XXYLT1: variants seen among roughly 807,000 people sequenced by gnomAD.
XXYLT1 encodes UDP-xylose:alpha-xyloside alpha-1,3-xylosyltransferase.
A neutral mutation model predicts 28.9 loss-of-function variants in XXYLT1; 20 were observed. The ratio of observed to expected loss-of-function variants is 0.69; its 90% CI spans 0.49 to 1.00. The LOEUF (loss-of-function observed/expected upper bound fraction) is 1.00. Ranked by LOEUF, XXYLT1 falls within the 50% of genes least tolerant of loss-of-function variation. The pLI, the probability that XXYLT1 is intolerant of heterozygous loss-of-function variation, is 0.00. For missense variants in XXYLT1, 542 were observed against 560.1 expected (o/e 0.97, Z 0.33); for synonymous variants, 257 against 253.8 (o/e 1.01, Z -0.12).
intron 3 of XXYLT1, among the ~76,000 whole-genome samples, chr3:195,130,796 A>G (rs1718866485): frequency 6.6e-6 from 1 of 152,198 alleles, no homozygotes; most frequent in Admixed American, 6.5e-5. Context: ...CGTGCATACA[A>G]TTTCAGGGTG....
rs762060347 is a variant in XXYLT1 at position 195,173,775 on chromosome 3, C to T, written c.653-17194G>A. Among the ~76,000 whole-genome samples, 1 of 152,186 alleles carries T rather than the reference C, an allele frequency of 6.6e-6. No homozygotes were observed. Among genetic ancestry groups the T allele is most frequent in the Non-Finnish European group, 1.5e-5 (1 of 68,014 alleles). On this transcript the variant is annotated intron_variant, in intron 2 of 3. Coordinates refer to ENST00000310380, the MANE Select transcript of XXYLT1 (RefSeq NM_152531.5). The surrounding 1 kb of genome is among the most constrained non-coding windows in gnomAD (Gnocchi z 4.3). The stretch of plus-strand genomic sequence containing the variant: ...CTTTGCATCTCAGGCCATCCCGCAC[C>T]GGCTCGCTGTCCAGGAGAGCACCCA...
chr3:195,071,623 C>CA (rs887967888), intron 3 of XXYLT1, among the ~76,000 whole-genome samples: 1 of 152,086 alleles, frequency 6.6e-6, no homozygotes, highest in African/African-American at 2.4e-5. Context: ...ATAAGCTTCT[C>CA]AAGCAAACTG....
At position 195,255,112 on chromosome 3, in the gene XXYLT1, C is replaced by G. The variant is rs547226620; in HGVS notation, c.504+15443G>C. On this transcript the variant is annotated intron_variant, in intron 1 of 3. Transcript: ENST00000310380. The surrounding 1 kb of genome is among the most constrained non-coding windows in gnomAD (Gnocchi z 4.5). ...ACAGAGCAGGGGATAACAGCAGCAT[C>G]AGAAAGACCCATAAGGCCATAGGTT... Among the ~76,000 whole-genome samples the G allele has an allele frequency of 1.3e-5, 2 of 152,344 alleles. No individual in the cohort carries two copies. The highest frequency in any genetic ancestry group is 3.9e-4 in the East Asian group (2 of 5,192).
At chr3:195,080,901 G>A (rs1023711343) in intron 3 of XXYLT1, among the ~76,000 whole-genome samples, 6 of 152,186 alleles carry the variant, frequency 3.9e-5, no homozygotes, top group African/African-American at 7.2e-5. Flanking sequence ...TATGACCCCC[G>A]GCTGCAAACT....
intron 3 of XXYLT1, among the ~76,000 whole-genome samples, chr3:195,102,904 G>C (rs534349847): frequency 6.6e-5 from 10 of 152,250 alleles, no homozygotes; most frequent in African/African-American, 2.4e-4. Context: ...TTCCATCATG[G>C]CTGTACCAAC....
At chr3:195,163,315 CTT>C (rs1369122638) in intron 2 of XXYLT1, among the ~76,000 whole-genome samples, 2 of 152,218 alleles carry the variant, frequency 1.3e-5, no homozygotes, top group East Asian at 1.9e-4. Context: ...CTCTCTCCCT[CTT>C]GAGTGGCATT....
At chr3:195,130,636 G>C (rs998917158) in intron 3 of XXYLT1, among the ~76,000 whole-genome samples, 3 of 152,182 alleles carry the variant, frequency 2.0e-5, no homozygotes, top group African/African-American at 7.2e-5. Context: ...CAGAGTTGGG[G>C]AAGGACATGC....
At chr3:195,197,216 C>T (rs1363160416) in intron 2 of XXYLT1, among the ~76,000 whole-genome samples, 3 of 152,224 alleles carry the variant, frequency 2.0e-5, no homozygotes, top group Non-Finnish European at 4.4e-5. Flanking sequence ...GCCAGTGGAT[C>T]ACCTGAGATC....
intron 1 of XXYLT1, chr3:195,270,186 C>T (rs1200006458): frequency 2.0e-6 from 1 of 507,342 alleles, no homozygotes; most frequent in African/African-American, 1.9e-5. Context: ...GTGACCAGTC[C>T]CATCCTCAGA....
In XXYLT1 at chr3:195,097,841, G is replaced by A. The variant is rs555514642; in HGVS notation, c.786-27730C>T. On this transcript the variant is annotated intron_variant, in intron 3 of 3. Coordinates refer to ENST00000310380, the MANE Select transcript of XXYLT1 (RefSeq NM_152531.5). ...CACCCCCCCACCACGCACACACAAA[G>A]AAGTCAGGCTGGGCAGGAAAGACGC... is the stretch of plus-strand genomic sequence containing the variant. Among the ~76,000 whole-genome samples, 8 of 148,106 alleles carry A rather than the reference G, an allele frequency of 5.4e-5. No individual in the cohort carries two copies. In the South Asian group the frequency reaches 1.8e-3, roughly 33 times the overall value.
intron 2 of XXYLT1, among the ~76,000 whole-genome samples, chr3:195,162,007 T>C (rs1481202037): frequency 6.6e-6 from 1 of 151,364 alleles, no homozygotes; most frequent in African/African-American, 2.4e-5. Context: ...GAGGATCACT[T>C]GAGCTCGGGA....
chr3:195,268,664 C>T (rs1187425855), intron 1 of XXYLT1, among the ~76,000 whole-genome samples: 1 of 152,044 alleles, frequency 6.6e-6, no homozygotes, highest in Non-Finnish European at 1.5e-5. Context: ...TATCCAATCA[C>T]TGACATCTGG....
chr3:195,192,037 C>T (rs187343174), intron 2 of XXYLT1, among the ~76,000 whole-genome samples: 1 of 152,294 alleles, frequency 6.6e-6, no homozygotes, highest in African/African-American at 2.4e-5. Context: ...CTAATGATTG[C>T]AAAATACACA....
chr3:195,234,356 C>T (rs1577179161), intron 1 of XXYLT1, among the ~76,000 whole-genome samples: 2 of 124,200 alleles, frequency 1.6e-5, no homozygotes, highest in Non-Finnish European at 3.2e-5. Flanking sequence ...CTCACTCTGT[C>T]GCCCAGGCTG....
At chr3:195,167,041 C>T (rs75788240) in intron 2 of XXYLT1, among the ~76,000 whole-genome samples, 3 of 152,198 alleles carry the variant, frequency 2.0e-5, no homozygotes, top group African/African-American at 4.8e-5. Context: ...CCTGACTAGA[C>T]GCAGGCTGTG....
chr3:195,236,254 T>A (rs1323018667), intron 1 of XXYLT1, among the ~76,000 whole-genome samples: 2 of 152,080 alleles, frequency 1.3e-5, no homozygotes, highest in African/African-American at 4.8e-5. Context: ...TCGGAAGCCC[T>A]AGAAATCTGC....
At chr3:195,234,192 C>T (rs1724426505) in intron 1 of XXYLT1, among the ~76,000 whole-genome samples, 1 of 151,728 alleles carries the variant, frequency 6.6e-6, no homozygotes, top group Admixed American at 6.6e-5. Context: ...GCTGGGATTA[C>T]AGGCGTGAGC....
intron 3 of XXYLT1, among the ~76,000 whole-genome samples, chr3:195,074,210 G>A (rs1714989657): frequency 6.6e-6 from 1 of 152,228 alleles, no homozygotes. Flanking sequence ...CTGCAGGAAG[G>A]TTCTAGAAGC....
At chr3:195,265,648 C>G (rs974887210) in intron 1 of XXYLT1, among the ~76,000 whole-genome samples, 22 of 152,312 alleles carry the variant, frequency 1.4e-4, no homozygotes, top group African/African-American at 4.6e-4. Context: ...GATCATTTTC[C>G]CAGAAGTCAG....
Sources: gnomAD v4.1 joint callset for allele counts (sites outside exome capture counted in the v4.1 genomes callset) on GRCh38, gnomAD v4.1.1 for gene constraint, Gnocchi (gnomAD v3.1) non-coding constraint, MANE v1.5 for transcripts, NCBI Gene and HGNC (gene_info 2026-07-23, HGNC 2026-07-21) for gene names.